Variants in ZNF438 observed in about 807,000 individuals in gnomAD.
ZNF438 encodes the protein zinc finger protein 438.
Under a neutral mutation model 38.0 loss-of-function variants are expected in ZNF438, and 25 were observed. The observed-to-expected ratio is 0.66, with a 90% CI of 0.48 to 0.92. The LOEUF (loss-of-function observed/expected upper bound fraction) is 0.92. Among genes scored for constraint, ZNF438 ranks in the 40% least tolerant of loss-of-function variants. The pLI, the probability that ZNF438 is intolerant of heterozygous loss-of-function variation, is 0.00. For synonymous variants in ZNF438, 372 were observed against 364.1 expected (o/e 1.02, Z -0.25); for missense variants, 1,007 against 999.6 (o/e 1.01, Z -0.10).
At chr10:30,940,811 C>A (rs950456644) in intron 2 of ZNF438, among the ~76,000 whole-genome samples, 1 of 152,120 alleles carries the variant, frequency 6.6e-6, no homozygotes, top group Admixed American at 6.5e-5. Context: ...AGATTTTTTA[C>A]ACAAACAGTT....
intron 1 of ZNF438, among the ~76,000 whole-genome samples, chr10:30,968,474 G>A (rs1455218630): frequency 6.2e-5 from 7 of 112,454 alleles, no homozygotes; most frequent in Admixed American, 1.3e-4. Context: ...ACGGAGTTTC[G>A]CTCTTGTTGC....
rs115058242 is a variant in ZNF438, at chr10:30,938,748, C to T, written c.-115+2827G>A. Among the ~76,000 whole-genome samples, 573 of 152,072 alleles carry T rather than the reference C, an allele frequency of 3.8e-3. 3 individuals are homozygous for T. Among genetic ancestry groups the T allele is most frequent in the African/African-American group, 0.013 (532 of 41,492 alleles). On this transcript the variant is annotated intron_variant, in intron 2 of 5. Transcript: ENST00000413025. ...ATGTGAATGTTTAATATTTTGCTCCCTATATTTCAGACTTCCCAGGGAAGC... is the reference window on the plus strand; with the variant it reads ...ATGTGAATGTTTAATATTTTGCTCCTTATATTTCAGACTTCCCAGGGAAGC...
At chr10:30,990,292 GA>G (rs751450023) in intron 1 of ZNF438, among the ~76,000 whole-genome samples, 2 of 151,702 alleles carry the variant, frequency 1.3e-5, no homozygotes. Context: ...ATGAATAAAT[GA>G]AAAAAATAAA....
At chr10:31,023,784 C>G (rs967011376) in intron 1 of ZNF438, among the ~76,000 whole-genome samples, 1 of 152,212 alleles carries the variant, frequency 6.6e-6, no homozygotes, top group Non-Finnish European at 1.5e-5. Flanking sequence ...GCAACTGCCC[C>G]GCTTCAGTAC....
chr10:31,011,203 CAA>C (rs911206638), intron 1 of ZNF438, among the ~76,000 whole-genome samples: 4 of 152,146 alleles, frequency 2.6e-5, no homozygotes, highest in African/African-American at 9.7e-5. Context: ...TGAGCTGCTG[CAA>C]AAGAGCAACA....
At chr10:31,023,964 C>T (rs1297122975) in intron 1 of ZNF438, among the ~76,000 whole-genome samples, 1 of 152,226 alleles carries the variant, frequency 6.6e-6, no homozygotes, top group African/African-American at 2.4e-5. Context: ...GCACGGTTCT[C>T]CCCTACCCAG....
intron 3 of ZNF438, among the ~76,000 whole-genome samples, chr10:30,892,390 A>T (rs1360876846): frequency 6.6e-6 from 1 of 152,232 alleles, no homozygotes; most frequent in African/African-American, 2.4e-5. Context: ...TACAAAGGTT[A>T]TGTGAATGTG....
intron 1 of ZNF438, among the ~76,000 whole-genome samples, chr10:30,957,279 C>T (rs749822094): frequency 2.6e-5 from 4 of 152,142 alleles, no homozygotes; most frequent in South Asian, 2.1e-4. Context: ...ATTCCTTACA[C>T]ATTCTGGATG....
intron 1 of ZNF438, among the ~76,000 whole-genome samples, chr10:30,987,838 C>T (rs1290198776): frequency 6.6e-6 from 1 of 151,988 alleles, no homozygotes; most frequent in Non-Finnish European, 1.5e-5. Context: ...CCTTCCGAAC[C>T]GGGAGAAATG....
At chr10:30,998,700 C>T (rs1003409664) in intron 1 of ZNF438, among the ~76,000 whole-genome samples, 7 of 150,780 alleles carry the variant, frequency 4.6e-5, no homozygotes, top group African/African-American at 2.4e-5. Flanking sequence ...TGTTTACCTT[C>T]TGCATTCTAT....
chr10:31,001,141 C>G (rs1397052069), intron 1 of ZNF438, among the ~76,000 whole-genome samples: 1 of 152,154 alleles, frequency 6.6e-6, no homozygotes, highest in Non-Finnish European at 1.5e-5. Flanking sequence ...GGATGTCTGT[C>G]TTTCCTGTCA....
At chr10:30,855,652 T>A (rs1256696828) in intron 4 of ZNF438, among the ~76,000 whole-genome samples, 1 of 152,188 alleles carries the variant, frequency 6.6e-6, no homozygotes, top group African/African-American at 2.4e-5. Context: ...ATTACTTAAG[T>A]GTCCACCAAC....
intron 4 of ZNF438, among the ~76,000 whole-genome samples, chr10:30,866,576 T>G (rs899750421): frequency 6.6e-6 from 1 of 152,198 alleles, no homozygotes; most frequent in African/African-American, 2.4e-5. Flanking sequence ...GGCTCACGCC[T>G]GTAATCCCAG....
intron 1 of ZNF438, among the ~76,000 whole-genome samples, chr10:31,022,153 G>A (rs1037394340): frequency 3.3e-5 from 5 of 152,154 alleles, no homozygotes; most frequent in African/African-American, 1.2e-4. Flanking sequence ...CTCAGTGGCT[G>A]GACCCAGAAG....
At chr10:30,991,199 C>G (rs2053453615) in intron 1 of ZNF438, among the ~76,000 whole-genome samples, 1 of 152,148 alleles carries the variant, frequency 6.6e-6, no homozygotes, top group South Asian at 2.1e-4. Flanking sequence ...TATGGGGGCT[C>G]CTTTTCCCCT....
chr10:30,875,433 G>T, intron 4 of ZNF438: 1 of 977,744 alleles, frequency 1.0e-6, no homozygotes, highest in African/African-American at 1.7e-5. Context: ...ACAGCTGGTT[G>T]GAGGCAGGTA....
chr10:30,868,507 G>C (rs1470043227), intron 4 of ZNF438, among the ~76,000 whole-genome samples: 2 of 151,610 alleles, frequency 1.3e-5, no homozygotes, highest in East Asian at 3.9e-4. Context: ...GGATTTTGTT[G>C]CCCATTAATT....
chr10:31,029,576 G>A (rs2057154606), intron 1 of ZNF438, among the ~76,000 whole-genome samples: 1 of 151,948 alleles, frequency 6.6e-6, no homozygotes, highest in Non-Finnish European at 1.5e-5. Context: ...ACCTCCCCCA[G>A]CCCAAACCAC....
At position 30,986,970 on chromosome 10, in the gene ZNF438, T is replaced by G. The variant is rs1240042848; in HGVS notation, c.-192+44863A>C. ...AGAAAGAACAATGTTCTTACTAAAT[T>G]TAAAAAATGGTGAAACAGAAATAAA... On this transcript the variant is annotated intron_variant, in intron 1 of 5. Coordinates refer to ENST00000413025, the Ensembl canonical transcript of ZNF438. Among the ~76,000 whole-genome samples, 7 of 152,280 alleles carry G rather than the reference T, an allele frequency of 4.6e-5. No homozygotes were observed. In the South Asian group the frequency reaches 1.5e-3, roughly 32 times the overall value.
Sources: gnomAD v4.1 joint callset for allele counts (sites outside exome capture counted in the v4.1 genomes callset) on GRCh38, gnomAD v4.1.1 for gene constraint, MANE v1.5 for transcripts, NCBI Gene and HGNC (gene_info 2026-07-23, HGNC 2026-07-21) for gene names.